STRA6: variants seen among roughly 807,000 people sequenced by gnomAD.
STRA6 encodes signaling receptor and transporter of retinol STRA6, also known as receptor for retinol uptake STRA6.
A neutral mutation model predicts 83.6 loss-of-function variants in STRA6; 48 were observed. The ratio of observed to expected loss-of-function variants is 0.57; its 90% CI spans 0.46 to 0.73. The LOEUF (loss-of-function observed/expected upper bound fraction) is 0.73. Ranked by LOEUF, STRA6 falls within the 30% of genes least tolerant of loss-of-function variation. The probability of loss-of-function intolerance (pLI) is 0.00; values close to 1 mark genes in which losing one functional copy is unlikely to be tolerated. For missense variants in STRA6, 760 were observed against 838.8 expected (o/e 0.91, Z 1.16); for synonymous variants, 353 against 362.3 (o/e 0.97, Z 0.29).
At chr15:74,211,189 G>A (rs116092640), upstream of STRA6, among the ~76,000 whole-genome samples, 360 of 149,640 alleles carry the variant, frequency 2.4e-3, 1 homozygote, top group African/African-American at 8.6e-3. Context: ...ACACCTCACT[G>A]CTTTTTCCCC....
upstream of STRA6, among the ~76,000 whole-genome samples, chr15:74,203,915 G>A (rs1247410174): frequency 1.3e-5 from 2 of 152,106 alleles, no homozygotes; most frequent in Non-Finnish European, 2.9e-5. Context: ...GGGGATGGGG[G>A]TGGGGGAAAG....
At chr15:74,184,192 G>A (rs779259697) in intron 13 of STRA6, among the ~76,000 whole-genome samples, 1 of 152,206 alleles carries the variant, frequency 6.6e-6, no homozygotes, top group Admixed American at 6.5e-5. Flanking sequence ...CTTAAACAGT[G>A]AACGAGGAAT....
intron 12 of STRA6, among the ~76,000 whole-genome samples, chr15:74,186,764 C>T (rs769100639): frequency 6.6e-5 from 10 of 152,126 alleles, no homozygotes; most frequent in Non-Finnish European, 1.2e-4. Flanking sequence ...GAGCACAACT[C>T]CATCTCAAAA....
At chr15:74,187,663 C>T (rs758003990) in intron 12 of STRA6, among the ~76,000 whole-genome samples, 13 of 152,050 alleles carry the variant, frequency 8.5e-5, no homozygotes, top group Non-Finnish European at 1.8e-4. Context: ...GCCCAGGTTG[C>T]GGGATGGCTT....
At chr15:74,193,513 CACAG>C (rs2073651887) in intron 8 of STRA6, among the ~76,000 whole-genome samples, 2 of 152,338 alleles carry the variant, frequency 1.3e-5, no homozygotes, top group African/African-American at 4.8e-5. Flanking sequence ...CTCAGTGTTT[CACAG>C]ACAGAGATAT....
At chr15:74,202,415 T>C in intron 1 of STRA6, 133 bp from the exon 2 acceptor site, 2 of 1,538,326 alleles carry the variant, frequency 1.3e-6, no homozygotes, top group Non-Finnish European at 1.7e-6. Flanking sequence ...GTTACTTTCT[T>C]ACTTTTAGCT....
At chr15:74,189,059 G>A in intron 12 of STRA6, 56 bp downstream of exon 12, 1 of 1,604,150 alleles carries the variant, frequency 6.2e-7, no homozygotes, top group Non-Finnish European at 8.5e-7. Context: ...ATAGACCTTG[G>A]GTCTCCCCGC....
Position 74,181,280 on chromosome 15 carries a change from G to T in STRA6, c.1684+15C>A, listed in dbSNP as rs202138009. The T allele has an allele frequency of 1.2e-6, 2 of 1,612,308 alleles. No homozygotes were observed. The highest frequency in any genetic ancestry group is 1.1e-5 in the South Asian group (1 of 90,928). On this transcript the variant is annotated intron_variant, in intron 17 of 18. Transcript: ENST00000395105. The stretch of plus-strand genomic sequence containing the variant: ...GTAGCCTGAGCAATCCTCCAGCCCC[G>T]CCCAGTGACCTTACCGGGGTCGAGA...
chr15:74,210,848 T>C (rs2142123448), upstream of STRA6, among the ~76,000 whole-genome samples: 1 of 152,320 alleles, frequency 6.6e-6, no homozygotes, highest in East Asian at 1.9e-4. Context: ...AAGAGAGGTG[T>C]TCTCTTTACC....
chr15:74,204,681 C>T (rs1479991387), upstream of STRA6, among the ~76,000 whole-genome samples: 1 of 152,214 alleles, frequency 6.6e-6, no homozygotes, highest in Non-Finnish European at 1.5e-5. Context: ...ACTTGTAATC[C>T]TAGCACTTTG....
Position 74,182,460 on chromosome 15 carries a change from C to T in STRA6, c.1301G>A (p.Gly434Glu), listed in dbSNP as rs760545295. Reference sequence around the variant, plus strand: ...GAAGATGATCTGCTGCACCAGGAGCCCTGCCAGGGGCGGGAGTGGCAGGGG... The same window carrying T: ...GAAGATGATCTGCTGCACCAGGAGCTCTGCCAGGGGCGGGAGTGGCAGGGG... ...SAYQTAFICL[G>E]LLVQQIIFFL... The change falls in exon 15 of 19, where the codon GGG (glycine) becomes GAG (glutamate). Residue 434 changes from glycine (G) to glutamate (E), a missense_variant and splice_region_variant. Physicochemically the swap from Gly to Glu is moderately conservative, Grantham distance 98. Transcript: ENST00000395105. 2.1e-5 allele frequency: 34 copies of T among 1,607,442 alleles called. No individual in the cohort carries two copies. In the South Asian group the frequency reaches 3.1e-4, roughly 15 times the overall value.
upstream of STRA6, chr15:74,202,903 C>A (rs1046189983): frequency 3.0e-6 from 3 of 992,624 alleles, no homozygotes; most frequent in Non-Finnish European, 2.4e-6. Context: ...ACAAAGCCCC[C>A]CTCCTGGGGG....
At position 74,188,251 on chromosome 15, in the gene STRA6, C is replaced by T. The variant is rs1403355967; in HGVS notation, c.1090+864G>A. 1.3e-5 allele frequency among the ~76,000 whole-genome samples: 2 copies of T among 152,228 alleles called. No individual in the cohort carries two copies. Among genetic ancestry groups the T allele is most frequent in the Non-Finnish European group, 2.9e-5 (2 of 68,038 alleles). On this transcript the variant is annotated intron_variant, in intron 12 of 18. Coordinates refer to ENST00000395105, the MANE Select transcript of STRA6 (RefSeq NM_022369.4). This position sits in a 1 kb window ranked among gnomAD's most constrained non-coding sequence, Gnocchi z 4.5. ...TAAGGATGATGTTAATGGTCAGGTA[C>T]AGCTGCGGAGCAGCTACACCTCCAC...
At position 74,196,040 on chromosome 15, in the gene STRA6, G is replaced by A. The variant is rs774852446; in HGVS notation, c.374C>T (p.Pro125Leu). Reference sequence around the variant, plus strand: ...GGGTGCTGAGGCGAGAGTCAGGAAGGGCAATGCGTCCTCGTCGGGGAGCAG... The same window carrying A: ...GGGTGCTGAGGCGAGAGTCAGGAAGAGCAATGCGTCCTCGTCGGGGAGCAG... ...CLLLPDEDALPFLTLASAPSQ... is the reference protein window; with the variant it reads ...CLLLPDEDALLFLTLASAPSQ... Residue 125 changes from proline to leucine, a missense_variant, in exon 5 of 19, where the codon CCC becomes CTC. Physicochemically the swap from Pro to Leu is moderately conservative, Grantham distance 98. Transcript: ENST00000395105. 3 of 1,614,022 alleles carry A rather than the reference G, an allele frequency of 1.9e-6. No individual in the cohort carries two copies. Among genetic ancestry groups the A allele is most frequent in the South Asian group, 2.2e-5 (2 of 91,068 alleles).
intron 7 of STRA6, chr15:74,194,574 G>A: frequency 2.1e-6 from 1 of 470,474 alleles, no homozygotes; most frequent in African/African-American, 2.0e-5. Flanking sequence ...GTTTCCCCAA[G>A]GCACTTGGTA....
At chr15:74,209,514 G>T, upstream of STRA6, 1 of 1,389,180 alleles carries the variant, frequency 7.2e-7, no homozygotes. Context: ...TCATCACAGG[G>T]CTTCAGGGCT....
rs766200616 is a variant in STRA6, at chr15:74,197,779, C to T, written c.153G>A (p.Leu51=). The T allele has an allele frequency of 5.0e-6, 8 of 1,613,590 alleles. No individual in the cohort carries two copies. The highest frequency in any genetic ancestry group is 6.8e-6 in the Non-Finnish European group (8 of 1,180,038). Residue 51 remains leucine, a synonymous_variant, in exon 3 of 19, where the codon CTG becomes CTA. Transcript: ENST00000395105. ...PSCHTSIPPG[L]YHACLASLSI... is the part of the protein sequence containing the mutation. The stretch of plus-strand genomic sequence containing the variant: ...ACAGCGAGGCCAGGCAGGCGTGGTA[C>T]AGGCCGGGTGGTATGCTGGTGTGGC...
At chr15:74,185,177 G>A in intron 12 of STRA6, 122 bp from the exon 13 acceptor site, 2 of 956,960 alleles carry the variant, frequency 2.1e-6, no homozygotes, top group Non-Finnish European at 3.3e-6. Flanking sequence ...TGAACTCTGT[G>A]TGGAAGCCTC....
intron 1 of STRA6, chr15:74,208,653 A>C: frequency 1.0e-6 from 1 of 956,382 alleles, no homozygotes; most frequent in Non-Finnish European, 1.2e-6. Flanking sequence ...CTTACTCATC[A>C]GAATTGCTCC....
Sources: gnomAD v4.1 joint callset for allele counts (sites outside exome capture counted in the v4.1 genomes callset) on GRCh38, gnomAD v4.1.1 for gene constraint, Gnocchi (gnomAD v3.1) non-coding constraint, MANE v1.5 for transcripts, NCBI Gene and HGNC (gene_info 2026-07-23, HGNC 2026-07-21) for gene names.